ESYT3: variants seen among roughly 807,000 people sequenced by gnomAD.
ESYT3 encodes extended synaptotagmin 3.
Under a neutral mutation model 111.5 loss-of-function variants are expected in ESYT3, and 101 were observed. That is an observed-to-expected ratio of 0.91 (90% CI 0.77 to 1.07). The LOEUF (loss-of-function observed/expected upper bound fraction) is 1.07. Ranked by LOEUF, ESYT3 falls within the 50% of genes least tolerant of loss-of-function variation. ESYT3 has a pLI of 0.00. For missense variants in ESYT3, 1,097 were observed against 1,109.4 expected, an observed-to-expected ratio of 0.99 and a Z score of 0.16; for synonymous variants, 416 against 446.8, an observed-to-expected ratio of 0.93 and a Z score of 0.87.
intron 16 of ESYT3, 122 bp downstream of exon 16, chr3:138,470,268 G>A (rs1329338447): frequency 5.0e-6 from 7 of 1,400,504 alleles, no homozygotes; most frequent in Non-Finnish European, 6.6e-6. Context: ...CCCCTTGTAT[G>A]TAAGAGAGGA....
intron 20 of ESYT3, among the ~76,000 whole-genome samples, chr3:138,475,374 TAATTCTCAA>T (rs1356966556): frequency 6.6e-6 from 1 of 152,338 alleles, no homozygotes; most frequent in East Asian, 1.9e-4. Context: ...AATCTGTTAC[TAATTCTCAA>T]AAGTATGACA....
chr3:138,472,403 C>T lies in ESYT3; in HGVS notation c.1781C>T (p.Thr594Ile), dbSNP rs868514919. The change falls in exon 18 of 23, where the codon ACA (threonine) becomes ATA (isoleucine). Residue 594 changes from threonine (T) to isoleucine (I), a missense_variant. Physicochemically the swap from Thr to Ile is moderately conservative, Grantham distance 89. Transcript: ENST00000389567. Reference protein sequence around the residue: ...VEERELGSPYTGPEALKKGPL... With the variant: ...VEERELGSPYIGPEALKKGPL... ...GAACGAGAGCTGGGGAGCCCATACA[C>T]AGGACCTGAAGCCCTAAAGAAAGGC... The T allele has an allele frequency of 6.2e-6, 10 of 1,614,178 alleles. No individual in the cohort carries two copies. The highest frequency in any genetic ancestry group is 1.6e-4 in the Middle Eastern group (1 of 6,062).
intron 3 of ESYT3, 30 bp downstream of exon 3, chr3:138,455,358 A>C (rs1199591495): frequency 6.2e-7 from 1 of 1,612,860 alleles, no homozygotes; most frequent in African/African-American, 1.3e-5. Flanking sequence ...GTCAGCCTGG[A>C]CTGGCTGTGC....
chr3:138,434,819 C>T lies in ESYT3; in HGVS notation c.21C>T (p.Cys7=), dbSNP rs764900748. ...ACGAGATGCGAGCAGAGGAGCCCTG[C>T]GCCCCCGGGGCCCCCAGCGCCCTGG... The part of the protein sequence containing the change: MRAEEP[C]APGAPSALGA... The change falls in exon 1 of 23, where the codon TGC becomes TGT. Residue 7 remains cysteine (C), a synonymous_variant. Coordinates refer to ENST00000389567, the MANE Select transcript of ESYT3 (RefSeq NM_031913.5). The T allele has an allele frequency of 6.4e-7, 1 of 1,560,608 alleles. No homozygotes were observed. Among genetic ancestry groups the T allele is most frequent in the Non-Finnish European group, 8.7e-7 (1 of 1,154,874 alleles).
At chr3:138,445,174 G>A (rs150197117) in intron 1 of ESYT3, among the ~76,000 whole-genome samples, 49 of 152,354 alleles carry the variant, frequency 3.2e-4, no homozygotes, top group African/African-American at 1.1e-3. Context: ...GCACTGCCAG[G>A]TGGTGTGGGT....
rs1389800322 is a variant in ESYT3, at chr3:138,479,551, T to G, written c.*2697T>G. 6.6e-6 allele frequency: 1 copy of G among 152,234 alleles called. No homozygotes were observed. The highest frequency in any genetic ancestry group is 1.5e-5 in the Non-Finnish European group (1 of 68,040). 9.4% of individuals were successfully genotyped at this position (152,234 alleles called of 1,614,324 possible). On this transcript the variant is annotated 3_prime_UTR_variant, in exon 23 of 23. Coordinates refer to ENST00000389567, the MANE Select transcript of ESYT3 (RefSeq NM_031913.5). Reference sequence around the variant, plus strand: ...CCAATAGGGGGCGATGGAAGGACACTCTATAGCAGGAAGAAGGGGCTTTTC... The same window carrying G: ...CCAATAGGGGGCGATGGAAGGACACGCTATAGCAGGAAGAAGGGGCTTTTC...
At chr3:138,476,383 C>T in intron 21 of ESYT3, 55 bp downstream of exon 21, 2 of 1,602,716 alleles carry the variant, frequency 1.2e-6, no homozygotes, top group African/African-American at 1.3e-5. Flanking sequence ...TTCGCCTTAT[C>T]CCAATTTCTT....
intron 7 of ESYT3, 29 bp downstream of exon 7, chr3:138,460,695 A>C (rs1332705136): frequency 1.2e-6 from 2 of 1,613,262 alleles, no homozygotes; most frequent in Non-Finnish European, 1.7e-6. Flanking sequence ...CTCGAGGGAG[A>C]TCATAAGTTT....
In ESYT3 at chr3:138,434,672, T is replaced by G; in HGVS notation, c.-127T>G. 6 of 829,548 alleles carry G rather than the reference T, an allele frequency of 7.2e-6. No homozygotes were observed. Among genetic ancestry groups the G allele is most frequent in the South Asian group, 2.2e-5 (1 of 46,126 alleles). The allele number at this position is 829,548 out of a possible 1,614,324, so 51.4% of individuals were successfully genotyped here. A position where few individuals can be genotyped will look rare whatever the true frequency, so the allele number is the denominator to read the frequency against. On this transcript the variant is annotated 5_prime_UTR_variant, in exon 1 of 23. Transcript: ENST00000389567. ...AACCCTGAGCTCGGCGCGCCGAGAG[T>G]CCCAGCAGGGCAAGGGGGCGCGGCG...
At chr3:138,439,942 C>A (rs865836083) in intron 1 of ESYT3, among the ~76,000 whole-genome samples, 1 of 152,034 alleles carries the variant, frequency 6.6e-6, no homozygotes, top group Non-Finnish European at 1.5e-5. Context: ...GTGAGGTGGT[C>A]GTGATGTGAA....
chr3:138,461,633 TC>T (rs1423248408), intron 7 of ESYT3, among the ~76,000 whole-genome samples: 1 of 152,094 alleles, frequency 6.6e-6, no homozygotes, highest in Non-Finnish European at 1.5e-5. Flanking sequence ...ACCATCCCTG[TC>T]CCCCGGTATC....
intron 3 of ESYT3, among the ~76,000 whole-genome samples, chr3:138,456,801 G>C (rs2032301852): frequency 6.6e-6 from 1 of 152,172 alleles, no homozygotes; most frequent in Admixed American, 6.5e-5. Context: ...CTGGTCCCTG[G>C]TGGCAAAAAG....
chr3:138,446,377 T>C (rs939261662), intron 1 of ESYT3, among the ~76,000 whole-genome samples: 2 of 152,254 alleles, frequency 1.3e-5, no homozygotes, highest in African/African-American at 2.4e-5. Context: ...GTAACCTCTC[T>C]GAACTTTAGT....
At position 138,477,082 on chromosome 3, in the gene ESYT3, T is replaced by C. The variant is rs897001380; in HGVS notation, c.*228T>C. The C allele has an allele frequency of 2.6e-5, 11 of 421,762 alleles. No individual in the cohort carries two copies. Among genetic ancestry groups the C allele is most frequent in the African/African-American group, 2.1e-4 (10 of 48,756 alleles). 26.1% of individuals were successfully genotyped at this position (421,762 alleles called of 1,614,324 possible). A position where few individuals can be genotyped will look rare whatever the true frequency, so the allele number is the denominator to read the frequency against. On this transcript the variant is annotated 3_prime_UTR_variant, in exon 23 of 23. Transcript: ENST00000389567. ...ACTACTTTTTTTGGTTGGATTTTTT[T>C]GTTCAAGTCCAGAAAGAAATGTTAT...
chr3:138,448,596 C>G (rs1450341061), intron 1 of ESYT3, among the ~76,000 whole-genome samples: 1 of 152,030 alleles, frequency 6.6e-6, no homozygotes, highest in African/African-American at 2.4e-5. Flanking sequence ...AACGTGAAAG[C>G]CAACAGATGA....
In ESYT3 at chr3:138,434,985, C is replaced by T; in HGVS notation, c.187C>T (p.Leu63=). Residue 63 remains leucine, a synonymous_variant, in exon 1 of 23, where the codon CTG becomes TTG. Transcript: ENST00000389567. The part of the protein sequence containing the change: ...GYLGLSITWL[L]LGALLWMWWR... ...CCTGGGGCTCAGCATAACCTGGTTG[C>T]TGCTCGGCGCCCTGCTGTGGATGTG... 6.4e-7 allele frequency: 1 copy of T among 1,559,566 alleles called. No individual in the cohort carries two copies. Among genetic ancestry groups the T allele is most frequent in the South Asian group, 1.2e-5 (1 of 84,680 alleles).
intron 12 of ESYT3, 86 bp downstream of exon 12, chr3:138,468,280 A>C: frequency 7.9e-7 from 1 of 1,268,448 alleles, no homozygotes; most frequent in African/African-American, 1.5e-5. Context: ...AGGGTGGGAG[A>C]TGATGCCCCC....
Position 138,435,766 on chromosome 3 carries a change from C to T in ESYT3, c.327+641C>T, listed in dbSNP as rs559519200. Among the ~76,000 whole-genome samples the T allele has an allele frequency of 1.6e-4, 25 of 152,324 alleles. No individual in the cohort carries two copies. Among genetic ancestry groups the T allele is most frequent in the Non-Finnish European group, 3.1e-4 (21 of 68,032 alleles). ...TCCTGGGGCGGCATGGGCGGCACTA[C>T]GATTCCTCAAACGCTTCTGGTCCTG... On this transcript the variant is annotated intron_variant, in intron 1 of 22. Transcript: ENST00000389567. This position sits in a 1 kb window ranked among gnomAD's most constrained non-coding sequence, Gnocchi z 4.8.
In ESYT3 at chr3:138,452,049, T is replaced by C. The variant is rs149154169; in HGVS notation, c.329T>C (p.Ile110Thr). The C allele has an allele frequency of 6.2e-7, 1 of 1,613,518 alleles. No individual in the cohort carries two copies. ...TTCCCCTCGGGGCTTCTTTCCTAGATCCACTTCCCGGACGTGGAGCGGGTC... is the reference window on the plus strand; with the variant it reads ...TTCCCCTCGGGGCTTCTTTCCTAGACCCACTTCCCGGACGTGGAGCGGGTC... ...ELRGQHLPAW[I>T]HFPDVERVEW... is the part of the protein sequence containing the mutation. Residue 110 changes from isoleucine to threonine, a missense_variant and splice_region_variant, in exon 2 of 23, where the codon ATC becomes ACC. Physicochemically the swap from Ile to Thr is moderately conservative, Grantham distance 89. Transcript: ENST00000389567.
Sources: gnomAD v4.1 joint callset for allele counts (sites outside exome capture counted in the v4.1 genomes callset) on GRCh38, gnomAD v4.1.1 for gene constraint, Gnocchi (gnomAD v3.1) non-coding constraint, MANE v1.5 for transcripts, NCBI Gene and HGNC (gene_info 2026-07-23, HGNC 2026-07-21) for gene names.